The following RAPGEF1 variants were observed in gnomAD, a reference collection of about 807,000 sequenced individuals.
The protein encoded by RAPGEF1 is Rap guanine nucleotide exchange factor 1.
RAPGEF1 carries 33 observed loss-of-function variants against 143.3 expected under a neutral mutation model. The ratio of observed to expected loss-of-function variants is 0.23; its 90% CI spans 0.17 to 0.31. RAPGEF1 has a LOEUF of 0.31. Among genes scored for constraint, RAPGEF1 ranks in the 10% least tolerant of loss-of-function variants. The probability of loss-of-function intolerance (pLI) is 1.00; values close to 1 mark genes in which losing one functional copy is unlikely to be tolerated. For missense variants in RAPGEF1, 1,199 were observed against 1,645.4 expected, an observed-to-expected ratio of 0.73 and a Z score of 4.69; for synonymous variants, 629 against 676.5, an observed-to-expected ratio of 0.93 and a Z score of 1.09.
At chr9:131,625,847 T>TA in intron 10 of RAPGEF1, 75 bp downstream of exon 10, 4 of 1,487,218 alleles carry the variant, frequency 2.7e-6, no homozygotes, top group Non-Finnish European at 3.6e-6. Context: ...GATTCTGGTC[T>TA]AATGCTGAAA....
chr9:131,613,639 G>C (rs1173969671), intron 12 of RAPGEF1, among the ~76,000 whole-genome samples: 1 of 152,190 alleles, frequency 6.6e-6, no homozygotes. Flanking sequence ...CAGGACAAGA[G>C]TGAATGGGCA....
In RAPGEF1 at chr9:131,630,364, C is replaced by T. The variant is rs768051846; in HGVS notation, c.652-40G>A. 1.8e-5 allele frequency: 29 copies of T among 1,598,814 alleles called. No homozygotes were observed. The African/African-American group carries it at 3.3e-4, about 18-fold the overall frequency. On this transcript the variant is annotated intron_variant, in intron 5 of 26. Transcript: ENST00000683357. ...AAAAGGCAATGAGCAAAGCTCCCGT[C>T]ACCACTGAGTTTCCACCAGAAGGCA...
At chr9:131,715,059 G>A (rs1477260620) in intron 1 of RAPGEF1, among the ~76,000 whole-genome samples, 3 of 151,876 alleles carry the variant, frequency 2.0e-5, no homozygotes, top group African/African-American at 2.4e-5. Flanking sequence ...GGAAATCATC[G>A]AAGGCAAAGG....
rs1425494768 is a variant in RAPGEF1, at chr9:131,589,989, G to T, written c.2775-11C>A. 1.2e-6 allele frequency: 2 copies of T among 1,611,792 alleles called. No homozygotes were observed. Among genetic ancestry groups the T allele is most frequent in the South Asian group, 1.1e-5 (1 of 91,006 alleles). On this transcript the variant is annotated splice_polypyrimidine_tract_variant and intron_variant, in intron 18 of 26. Coordinates refer to ENST00000683357, the MANE Select transcript of RAPGEF1 (RefSeq NM_001377935.1). ...GAGAATTTCTCATATGTGGAGCACG[G>T]GTTAAAGAAATAGCCATGTGGTCGG...
In RAPGEF1 at chr9:131,600,789, C is replaced by T. The variant is rs569928464; in HGVS notation, c.2501+1272G>A. ...GTGCCCATTTGCAGATCCTACACAT[C>T]ATATTTCACAGGTGCATACTGGGGA... On this transcript the variant is annotated intron_variant, in intron 15 of 26. Transcript: ENST00000683357. 1.2e-4 allele frequency among the ~76,000 whole-genome samples: 18 copies of T among 152,258 alleles called. No homozygotes were observed. In the South Asian group the frequency reaches 3.3e-3, roughly 28 times the overall value.
chr9:131,689,431 C>G (rs1219786223), intron 1 of RAPGEF1, among the ~76,000 whole-genome samples: 1 of 152,116 alleles, frequency 6.6e-6, no homozygotes, highest in Non-Finnish European at 1.5e-5. Context: ...TTTTAAGAAG[C>G]ATTTCAAGCA....
Position 131,629,138 on chromosome 9 carries a change from T to C in RAPGEF1, c.857A>G (p.Lys286Arg). Reference protein sequence around the residue: ...DATDEEVAPPKPPLPGIRVVD... With the variant: ...DATDEEVAPPRPPLPGIRVVD... ...CACCCGAATGCCAGGCAGAGGAGGC[T>C]TGGGGGGCGCGACCTCTTCATCCGT... The change falls in exon 7 of 27, where the codon AAG becomes AGG. Residue 286 changes from lysine (K) to arginine (R), a missense_variant. Lys to Arg is a conservative substitution (Grantham distance 26). Transcript: ENST00000683357. 1 of 1,613,936 alleles carries C rather than the reference T, an allele frequency of 6.2e-7. No individual in the cohort carries two copies. The highest frequency in any genetic ancestry group is 8.5e-7 in the Non-Finnish European group (1 of 1,179,864).
intron 1 of RAPGEF1, among the ~76,000 whole-genome samples, chr9:131,674,794 T>C (rs888774989): frequency 2.0e-5 from 3 of 152,060 alleles, no homozygotes; most frequent in African/African-American, 7.2e-5. Context: ...CTCTGTCCTG[T>C]CCCCTACTCC....
At chr9:131,707,731 T>C (rs995980602) in intron 1 of RAPGEF1, among the ~76,000 whole-genome samples, 9 of 152,192 alleles carry the variant, frequency 5.9e-5, no homozygotes, top group Admixed American at 6.5e-5. Flanking sequence ...TTGTTTTTAA[T>C]TGGAGAAAAG....
intron 1 of RAPGEF1, among the ~76,000 whole-genome samples, chr9:131,700,103 G>C (rs1834517996): frequency 6.6e-6 from 1 of 152,006 alleles, no homozygotes; most frequent in Non-Finnish European, 1.5e-5. Context: ...AAACCACTGG[G>C]GTCGTCCTAG....
At chr9:131,721,035 G>A (rs1836226996) in intron 1 of RAPGEF1, among the ~76,000 whole-genome samples, 1 of 152,102 alleles carries the variant, frequency 6.6e-6, no homozygotes, top group Non-Finnish European at 1.5e-5. Context: ...AGGAGTGACT[G>A]GAACATGCCA....
In RAPGEF1 at chr9:131,650,549, T is replaced by C. The variant is rs569036949; in HGVS notation, c.201+261A>G. 1.3e-5 allele frequency among the ~76,000 whole-genome samples: 2 copies of C among 152,288 alleles called. No homozygotes were observed. The highest frequency in any genetic ancestry group is 4.1e-4 in the South Asian group (2 of 4,832). On this transcript the variant is annotated intron_variant, in intron 2 of 26. Transcript: ENST00000683357. The surrounding 1 kb of genome is among the most constrained non-coding windows in gnomAD (Gnocchi z 4.7). ...AGCCTGGGGTGTGGACATGATGTGC[T>C]GAGCTGTTTTAAATGCCCAGAGGAT...
At position 131,643,265 on chromosome 9, in the gene RAPGEF1, C is replaced by T. The variant is rs753758284; in HGVS notation, c.468G>A (p.Val156=). The change falls in exon 4 of 27, where the codon GTG becomes GTA. Residue 156 remains valine, a synonymous_variant. Transcript: ENST00000683357. ...TGTGCTGAATTCGAGGATCGTTCTG[C>T]ACCAGGGGTAAGATGGCCTCCAGCA... The part of the protein sequence containing the change: ...SKVLEAILPL[V]QNDPRIQHSS... 36 of 1,612,412 alleles carry T rather than the reference C, an allele frequency of 2.2e-5. No individual in the cohort carries two copies. The highest frequency in any genetic ancestry group is 3.0e-5 in the Non-Finnish European group (35 of 1,179,586).
chr9:131,607,453 G>A (rs1957295453), intron 12 of RAPGEF1, among the ~76,000 whole-genome samples: 3 of 152,176 alleles, frequency 2.0e-5, no homozygotes, highest in Admixed American at 2.0e-4. Context: ...GAAGGGCTTG[G>A]CTTTCTGGGT....
chr9:131,650,300 G>C lies in RAPGEF1; in HGVS notation c.202-58C>G, dbSNP rs1970753865. 3.0e-6 allele frequency: 4 copies of C among 1,348,282 alleles called. No homozygotes were observed. The African/African-American group carries it at 5.8e-5, about 20-fold the overall frequency. The allele number at this position is 1,348,282 out of a possible 1,614,324, so 83.5% of individuals were successfully genotyped here. On this transcript the variant is annotated intron_variant, in intron 2 of 26. Coordinates refer to ENST00000683357, the MANE Select transcript of RAPGEF1 (RefSeq NM_001377935.1). The surrounding 1 kb of genome is among the most constrained non-coding windows in gnomAD (Gnocchi z 4.7). ...TTTGAAATGGCTGTTTGAGGCCGAA[G>C]GGAGGGGTTGATGAAAGTCAATAGC... is the stretch of plus-strand genomic sequence containing the variant.
chr9:131,659,341 CTATT>C (rs1973370760), intron 1 of RAPGEF1, among the ~76,000 whole-genome samples: 1 of 151,658 alleles, frequency 6.6e-6, no homozygotes, highest in Admixed American at 6.6e-5. Context: ...TTTTTTAAAT[CTATT>C]TATTTATTTT....
At chr9:131,654,290 A>AT (rs1971868763) in intron 1 of RAPGEF1, among the ~76,000 whole-genome samples, 1 of 152,248 alleles carries the variant, frequency 6.6e-6, no homozygotes, top group African/African-American at 2.4e-5. Flanking sequence ...TGTGAATTAT[A>AT]TATCAATAAA....
chr9:131,631,900 G>A (rs949459717), intron 5 of RAPGEF1, among the ~76,000 whole-genome samples: 1 of 147,500 alleles, frequency 6.8e-6, no homozygotes, highest in African/African-American at 2.4e-5. Flanking sequence ...GACATGGTAG[G>A]TGGGAGCACC....
intron 1 of RAPGEF1, among the ~76,000 whole-genome samples, chr9:131,699,409 T>G (rs1436125293): frequency 3.9e-5 from 6 of 152,118 alleles, no homozygotes; most frequent in African/African-American, 1.4e-4. Flanking sequence ...CATGCCTGGC[T>G]AATTTTGTAT....
Sources: gnomAD v4.1 joint callset for allele counts (sites outside exome capture counted in the v4.1 genomes callset) on GRCh38, gnomAD v4.1.1 for gene constraint, Gnocchi (gnomAD v3.1) non-coding constraint, MANE v1.5 for transcripts, NCBI Gene and HGNC (gene_info 2026-07-23, HGNC 2026-07-21) for gene names.